The following PTPRD variants were observed in gnomAD, a reference collection of about 807,000 sequenced individuals.
PTPRD encodes protein tyrosine phosphatase receptor type D.
A neutral mutation model predicts 214.5 loss-of-function variants in PTPRD; 34 were observed. The ratio of observed to expected loss-of-function variants is 0.16; its 90% CI spans 0.12 to 0.21. The LOEUF (loss-of-function observed/expected upper bound fraction) is 0.21, where lower values mean the gene tolerates loss of function less well. Among genes scored for constraint, PTPRD ranks in the 10% least tolerant of loss-of-function variants. PTPRD has a pLI of 1.00. For synonymous variants in PTPRD, 1,128 were observed against 845.7 expected, an observed-to-expected ratio of 1.33 and a Z score of -5.79; for missense variants, 2,545 against 2,398.7, an observed-to-expected ratio of 1.06 and a Z score of -1.27.
chr9:8,331,622 C>T lies in PTPRD; in HGVS notation c.5494G>A (p.Glu1832Lys), dbSNP rs778346779. The stretch of plus-strand genomic sequence containing the variant: ...ATGGGTCCATCTTGGCCAAACTGTT[C>T]TTTTGTTTTATGGACTTGGCCGATG... Reference protein sequence around the residue: ...DFIGQVHKTKEQFGQDGPISV... With the variant: ...DFIGQVHKTKKQFGQDGPISV... Residue 1832 changes from glutamate (E) to lysine (K), a missense_variant, in exon 44 of 46, where the codon GAA becomes AAA. Transcript: ENST00000381196. 1.2e-6 allele frequency: 2 copies of T among 1,601,392 alleles called. No homozygotes were observed. The highest frequency in any genetic ancestry group is 8.5e-7 in the Non-Finnish European group (1 of 1,176,520).
At chr9:9,581,598 T>C (rs2090787293) in intron 7 of PTPRD, among the ~76,000 whole-genome samples, 1 of 152,040 alleles carries the variant, frequency 6.6e-6, no homozygotes, top group African/African-American at 2.4e-5. Context: ...ACCATCTAAG[T>C]GATGCAATAA....
At chr9:10,393,793 T>C (rs960307518) in intron 2 of PTPRD, among the ~76,000 whole-genome samples, 1 of 148,438 alleles carries the variant, frequency 6.7e-6, no homozygotes, top group Non-Finnish European at 1.5e-5. Context: ...ATGACTAATA[T>C]GTAACCTTCT....
At chr9:10,407,983 A>C (rs766111863) in intron 2 of PTPRD, among the ~76,000 whole-genome samples, 1 of 151,572 alleles carries the variant, frequency 6.6e-6, no homozygotes, top group Non-Finnish European at 1.5e-5. Context: ...CTAATATGTT[A>C]CATGTAAGAT....
chr9:9,118,824 A>G, intron 10 of PTPRD, among the ~76,000 whole-genome samples: 1 of 152,196 alleles, frequency 6.6e-6, no homozygotes, highest in Admixed American at 6.5e-5. Context: ...TTCTACCTTA[A>G]AGTAAATAAT....
intron 12 of PTPRD, chr9:8,713,665 G>C: frequency 1.3e-6 from 2 of 1,509,654 alleles, no homozygotes; most frequent in Non-Finnish European, 1.8e-6. Context: ...CCGGCACCGC[G>C]CCCGGGCCCA....
intron 11 of PTPRD, chr9:8,859,815 G>GTA: frequency 6.7e-6 from 1 of 149,796 alleles, no homozygotes; most frequent in Middle Eastern, 3.5e-3. Context: ...GGGGGTGGGG[G>GTA]AGGAGCATCC....
At chr9:9,274,801 T>A (rs1944326991) in intron 9 of PTPRD, among the ~76,000 whole-genome samples, 1 of 150,236 alleles carries the variant, frequency 6.7e-6, no homozygotes, top group Admixed American at 6.7e-5. Context: ...TTTTTATTAT[T>A]AAACCAGCAT....
intron 11 of PTPRD, among the ~76,000 whole-genome samples, chr9:8,838,519 T>G (rs1051590165): frequency 1.4e-4 from 22 of 152,052 alleles, no homozygotes; most frequent in Non-Finnish European, 5.9e-5. Flanking sequence ...GGTATTTCAC[T>G]GAACTTTGTA....
At chr9:10,277,600 G>C (rs990614185) in intron 3 of PTPRD, among the ~76,000 whole-genome samples, 2 of 152,054 alleles carry the variant, frequency 1.3e-5, no homozygotes, top group Non-Finnish European at 2.9e-5. Flanking sequence ...ACTGGCTAAT[G>C]TCATGATTGT....
chr9:10,184,712 T>C (rs2099320767), intron 3 of PTPRD, among the ~76,000 whole-genome samples: 1 of 152,220 alleles, frequency 6.6e-6, no homozygotes, highest in Non-Finnish European at 1.5e-5. Flanking sequence ...TCTCTTCTTC[T>C]GGTTTATAAA....
chr9:8,419,083 T>C (rs2131465983), intron 35 of PTPRD, among the ~76,000 whole-genome samples: 1 of 151,694 alleles, frequency 6.6e-6, no homozygotes, highest in South Asian at 2.1e-4. Context: ...TCACAAAAGA[T>C]GGTAATGCAC....
chr9:8,764,759 C>T (rs1281237198), intron 11 of PTPRD, among the ~76,000 whole-genome samples: 1 of 151,478 alleles, frequency 6.6e-6, no homozygotes, highest in Non-Finnish European at 1.5e-5. Context: ...TGCCCCATTG[C>T]ACTCCAGGAT....
At chr9:9,933,016 C>A (rs1329901741) in intron 5 of PTPRD, among the ~76,000 whole-genome samples, 5 of 151,818 alleles carry the variant, frequency 3.3e-5, no homozygotes, top group African/African-American at 1.2e-4. Context: ...CCTTTACAGA[C>A]AAGCAAATGT....
intron 9 of PTPRD, among the ~76,000 whole-genome samples, chr9:9,311,526 A>C (rs1445167116): frequency 2.0e-5 from 3 of 152,168 alleles, no homozygotes; most frequent in African/African-American, 2.4e-5. Flanking sequence ...CATTAACAGG[A>C]TTCTCCCCAA....
intron 11 of PTPRD, among the ~76,000 whole-genome samples, chr9:8,830,669 C>A (rs562892682): frequency 2.0e-5 from 3 of 152,058 alleles, no homozygotes; most frequent in African/African-American, 7.2e-5. Context: ...CAGTCAATAC[C>A]CAGCAAAGGG....
intron 12 of PTPRD, among the ~76,000 whole-genome samples, chr9:8,703,731 G>C (rs1172184707): frequency 2.0e-5 from 3 of 152,080 alleles, no homozygotes; most frequent in Admixed American, 2.0e-4. Context: ...CCGTGGCTCT[G>C]TCACCATTTA....
chr9:10,015,219 G>A (rs530425737), intron 4 of PTPRD, among the ~76,000 whole-genome samples: 1 of 152,156 alleles, frequency 6.6e-6, no homozygotes, highest in African/African-American at 2.4e-5. Flanking sequence ...AGAGTTACCA[G>A]CTTTTTCATT....
intron 4 of PTPRD, among the ~76,000 whole-genome samples, chr9:9,977,410 A>T (rs1200134653): frequency 6.6e-6 from 1 of 152,226 alleles, no homozygotes; most frequent in African/African-American, 2.4e-5. Flanking sequence ...GAGAGCCTAG[A>T]TGCATGCATG....
rs532004708 is a variant in PTPRD, at chr9:8,809,174, C to G, written c.-103-75228G>C. On this transcript the variant is annotated intron_variant, in intron 11 of 45. Transcript: ENST00000381196. The stretch of plus-strand genomic sequence containing the variant: ...CTATACTTCATCTATCTCCACAAAA[C>G]AAAAGCTTGAAAATACTAGTTGTTA... Among the ~76,000 whole-genome samples, 3 of 152,222 alleles carry G rather than the reference C, an allele frequency of 2.0e-5. No individual in the cohort carries two copies. The South Asian group carries it at 6.2e-4, about 32-fold the overall frequency.
Sources: allele counts gnomAD v4.1 joint callset (sites outside exome capture counted in the v4.1 genomes callset), GRCh38; gene constraint gnomAD v4.1.1; transcripts MANE v1.5; gene names NCBI Gene and HGNC (gene_info 2026-07-23, HGNC 2026-07-21).